SETBP1: variants seen among roughly 807,000 people sequenced by gnomAD.
The protein encoded by SETBP1 is SET binding protein 1.
Under a neutral mutation model 101.0 loss-of-function variants are expected in SETBP1, and 9 were observed. The ratio of observed to expected loss-of-function variants is 0.09; its 90% confidence interval spans 0.05 to 0.16. The LOEUF (loss-of-function observed/expected upper bound fraction) is 0.16. Among genes scored for constraint, SETBP1 ranks in the 10% least tolerant of loss-of-function variants. SETBP1 has a pLI of 1.00. For missense variants in SETBP1, 1,858 were observed against 2,033.8 expected (o/e 0.91, Z 1.66); for synonymous variants, 818 against 788.5 (o/e 1.04, Z -0.63).
At chr18:44,785,026 C>T (rs1456131692) in intron 2 of SETBP1, among the ~76,000 whole-genome samples, 1 of 152,068 alleles carries the variant, frequency 6.6e-6, no homozygotes, top group Non-Finnish European at 1.5e-5. Flanking sequence ...AATTTATAAT[C>T]GATGTACTTT....
At chr18:44,839,620 G>T (rs1238168717) in intron 2 of SETBP1, among the ~76,000 whole-genome samples, 1 of 152,220 alleles carries the variant, frequency 6.6e-6, no homozygotes, top group Non-Finnish European at 1.5e-5. Context: ...AGGTAAATGT[G>T]CAGTATTACA....
At chr18:44,980,631 G>T (rs569013963) in intron 4 of SETBP1, among the ~76,000 whole-genome samples, 5 of 152,286 alleles carry the variant, frequency 3.3e-5, no homozygotes, top group Admixed American at 6.5e-5. Flanking sequence ...AGGTTGAGGA[G>T]CCTTGAAAGG....
chr18:44,776,162 G>T (rs1422123378), intron 2 of SETBP1, among the ~76,000 whole-genome samples: 1 of 152,128 alleles, frequency 6.6e-6, no homozygotes, highest in Non-Finnish European at 1.5e-5. Context: ...AGGCAGTTGA[G>T]GCCTGAATGT....
At chr18:45,012,125 A>G (rs371074113) in intron 4 of SETBP1, among the ~76,000 whole-genome samples, 11 of 152,302 alleles carry the variant, frequency 7.2e-5, no homozygotes, top group Admixed American at 2.0e-4. Context: ...TGTTTGAATC[A>G]TATATGGTAA....
intron 2 of SETBP1, among the ~76,000 whole-genome samples, chr18:44,811,476 C>T (rs551221023): frequency 1.5e-4 from 23 of 152,298 alleles, no homozygotes; most frequent in African/African-American, 4.6e-4. Context: ...GTGCTGACTG[C>T]GGTAAAGAGA....
intron 4 of SETBP1, among the ~76,000 whole-genome samples, chr18:45,020,452 T>C (rs2073036882): frequency 6.6e-6 from 1 of 152,024 alleles, no homozygotes; most frequent in Non-Finnish European, 1.5e-5. Flanking sequence ...CTTTATTTGG[T>C]TTATCTAAAG....
rs1158457878 is a variant in SETBP1, at chr18:44,943,840, C to T, written c.541-6041C>T. Among the ~76,000 whole-genome samples, 9 of 142,662 alleles carry T rather than the reference C, an allele frequency of 6.3e-5. 1 individual carries two copies. The South Asian group carries it at 9.1e-4, about 14-fold the overall frequency. The allele number at this position is 142,662 out of a possible 152,430, so 93.6% of individuals were successfully genotyped here. A position where few individuals can be genotyped will look rare whatever the true frequency, so the allele number is the denominator to read the frequency against. On this transcript the variant is annotated intron_variant, in intron 3 of 5. Coordinates refer to ENST00000649279, the MANE Select transcript of SETBP1 (RefSeq NM_015559.3). ...GGTCCTTTCTTTTTTCTTTTTTTTT[C>T]TTTTTTTTTTTTGAGACAGAGTCTC... is the stretch of plus-strand genomic sequence containing the variant.
At chr18:44,949,798 T>G in intron 3 of SETBP1, 83 bp from the exon 4 acceptor site, 1 of 1,069,564 alleles carries the variant, frequency 9.3e-7, no homozygotes, top group Non-Finnish European at 1.4e-6. Context: ...AGACTTTTGA[T>G]GTCAAATATT....
At chr18:45,050,782 T>A (rs915575163) in intron 5 of SETBP1, among the ~76,000 whole-genome samples, 4 of 152,202 alleles carry the variant, frequency 2.6e-5, no homozygotes, top group Non-Finnish European at 4.4e-5. Flanking sequence ...ATACTACCTA[T>A]AAATTCAGCA....
At chr18:44,929,797 C>G (rs1474951738) in intron 3 of SETBP1, among the ~76,000 whole-genome samples, 2 of 152,164 alleles carry the variant, frequency 1.3e-5, no homozygotes, top group Non-Finnish European at 2.9e-5. Flanking sequence ...TATCCTGAGA[C>G]TTTGCTGAAG....
chr18:44,844,353 G>GCACA lies in SETBP1; in HGVS notation c.487-24861_487-24858dup, dbSNP rs35801562. ...CACACACACACGTGCACACACGCGC[G>GCACA]CACACACACACACACACACTATTAA... On this transcript the variant is annotated intron_variant, in intron 2 of 5. Coordinates refer to ENST00000649279, the MANE Select transcript of SETBP1 (RefSeq NM_015559.3). 1.8e-3 allele frequency among the ~76,000 whole-genome samples: 248 copies of GCACA among 138,294 alleles called. 1 individual carries two copies. The highest frequency in any genetic ancestry group is 6.5e-3 in the African/African-American group (233 of 35,948). 90.7% of individuals were successfully genotyped at this position (138,294 alleles called of 152,430 possible). A position where few individuals can be genotyped will look rare whatever the true frequency, so the allele number is the denominator to read the frequency against.
chr18:44,761,519 C>T (rs910143544), intron 2 of SETBP1, among the ~76,000 whole-genome samples: 4 of 152,180 alleles, frequency 2.6e-5, no homozygotes, highest in African/African-American at 9.6e-5. Flanking sequence ...TAGATCATAG[C>T]ACAGCTAGAT....
chr18:44,681,368 T>A (rs977994215), intron 1 of SETBP1, among the ~76,000 whole-genome samples: 13 of 152,194 alleles, frequency 8.5e-5, no homozygotes, highest in African/African-American at 2.4e-4. Context: ...TCAGGTAAAC[T>A]GGACCGGGCA....
At chr18:45,019,071 C>G (rs1270414059) in intron 4 of SETBP1, among the ~76,000 whole-genome samples, 1 of 152,184 alleles carries the variant, frequency 6.6e-6, no homozygotes, top group Non-Finnish European at 1.5e-5. Context: ...TTTGATGACA[C>G]CACTGGAGAC....
chr18:45,047,991 A>G (rs1568049899), intron 5 of SETBP1, among the ~76,000 whole-genome samples: 2 of 152,226 alleles, frequency 1.3e-5, no homozygotes, highest in Admixed American at 6.5e-5. Context: ...AACCTGGATT[A>G]CAATAAACTA....
rs186958094 is a variant in SETBP1, at chr18:44,928,119, G to A, written c.541-21762G>A. Reference sequence around the variant, plus strand: ...CGACAGGCCCTGGTGTGTGATGTTCGCACCCTGTGTCCAAGTGTTCTCATT... The same window carrying A: ...CGACAGGCCCTGGTGTGTGATGTTCACACCCTGTGTCCAAGTGTTCTCATT... On this transcript the variant is annotated intron_variant, in intron 3 of 5. Coordinates refer to ENST00000649279, the MANE Select transcript of SETBP1 (RefSeq NM_015559.3). 3.3e-3 allele frequency among the ~76,000 whole-genome samples: 509 copies of A among 152,122 alleles called. 1 individual carries two copies. Among genetic ancestry groups the A allele is most frequent in the South Asian group, 7.1e-3 (34 of 4,818 alleles).
chr18:45,043,308 A>G (rs1183479714), intron 5 of SETBP1, among the ~76,000 whole-genome samples: 1 of 152,134 alleles, frequency 6.6e-6, no homozygotes, highest in East Asian at 1.9e-4. Context: ...TTTGCACTTG[A>G]AAGACTAGAC....
intron 3 of SETBP1, chr18:44,871,441 G>A (rs2069271962): frequency 6.6e-6 from 1 of 152,136 alleles, no homozygotes; most frequent in Non-Finnish European, 1.5e-5. Context: ...TGACTGTCAG[G>A]AGGGGACTCA....
intron 3 of SETBP1, chr18:44,876,601 A>G (rs2069408345): frequency 6.4e-7 from 1 of 1,551,332 alleles, no homozygotes; most frequent in African/African-American, 1.4e-5. Context: ...CTGGAAGAGA[A>G]GAGGAGGCCA....
Sources: gnomAD v4.1 joint callset for allele counts (sites outside exome capture counted in the v4.1 genomes callset) on GRCh38, gnomAD v4.1.1 for gene constraint, MANE v1.5 for transcripts, NCBI Gene and HGNC (gene_info 2026-07-23, HGNC 2026-07-21) for gene names.